The following CTDSP2 variants were observed in gnomAD, a reference collection of about 807,000 sequenced individuals.
CTDSP2 encodes the protein CTD small phosphatase 2, also known as carboxy-terminal domain RNA polymerase II polypeptide A small phosphatase 2.
Under a neutral mutation model 31.6 loss-of-function variants are expected in CTDSP2, and 9 were observed. The observed-to-expected ratio is 0.28, with a 90% CI of 0.17 to 0.50. The LOEUF is 0.50. Ranked by LOEUF, CTDSP2 falls within the 20% of genes least tolerant of loss-of-function variation. The probability of loss-of-function intolerance (pLI) is 0.98; values close to 1 mark genes in which losing one functional copy is unlikely to be tolerated. For missense variants in CTDSP2, 267 were observed against 348.5 expected, an observed-to-expected ratio of 0.77 and a Z score of 1.86; for synonymous variants, 134 against 134.5, an observed-to-expected ratio of 1.00 and a Z score of 0.03.
At chr12:57,827,176 T>A (rs1956188329) in intron 3 of CTDSP2, 79 bp from the exon 4 acceptor site, 1 of 1,062,130 alleles carries the variant, frequency 9.4e-7, no homozygotes, top group South Asian at 1.3e-5. Flanking sequence ...TGGGAAGAGC[T>A]GGGTTGTTTG....
At chr12:57,823,831 T>C (rs1595185399) in intron 7 of CTDSP2, 73 bp downstream of exon 7, 3 of 1,607,988 alleles carry the variant, frequency 1.9e-6, no homozygotes, top group Non-Finnish European at 1.7e-6. Context: ...GGTGTACTTC[T>C]CTGGTGGAGC....
chr12:57,831,630 G>C (rs1209449116), intron 1 of CTDSP2, among the ~76,000 whole-genome samples: 2 of 152,166 alleles, frequency 1.3e-5, no homozygotes, highest in Admixed American at 6.5e-5. Flanking sequence ...GAGTTTCCTA[G>C]AGCCTGAGCA....
At chr12:57,845,990 C>G (rs1323955479) in intron 1 of CTDSP2, among the ~76,000 whole-genome samples, 1 of 152,186 alleles carries the variant, frequency 6.6e-6, no homozygotes, top group Non-Finnish European at 1.5e-5. Context: ...TTCCTAACCC[C>G]TCCCCGCGAT....
chr12:57,840,020 C>CT (rs1467214617), intron 1 of CTDSP2, among the ~76,000 whole-genome samples: 33 of 152,252 alleles, frequency 2.2e-4, no homozygotes, highest in Middle Eastern at 3.4e-3. Context: ...TAGGACTCCC[C>CT]TTGAAGAGCC....
At position 57,821,492 on chromosome 12, in the gene CTDSP2, C is replaced by T. The variant is rs1956144556; in HGVS notation, c.*2110G>A. On this transcript the variant is annotated 3_prime_UTR_variant, in exon 8 of 8. Coordinates refer to ENST00000398073, the MANE Select transcript of CTDSP2 (RefSeq NM_005730.4). ...TTGCAACTCAGTCAGCTTAGAGCCT[C>T]TTATTGCTTATTTAGTCAGAAAAGC... 1 of 152,640 alleles carries T rather than the reference C, an allele frequency of 6.6e-6. No homozygotes were observed. Among genetic ancestry groups the T allele is most frequent in the Admixed American group, 6.5e-5 (1 of 15,288 alleles). 9.5% of individuals were successfully genotyped at this position (152,640 alleles called of 1,614,324 possible).
At chr12:57,841,311 A>ACAT (rs1409022036) in intron 1 of CTDSP2, among the ~76,000 whole-genome samples, 1 of 152,176 alleles carries the variant, frequency 6.6e-6, no homozygotes, top group African/African-American at 2.4e-5. Context: ...TAGCTTAAGA[A>ACAT]CATCTATTTC....
intron 1 of CTDSP2, among the ~76,000 whole-genome samples, chr12:57,843,993 A>G (rs1432800091): frequency 1.3e-5 from 2 of 151,968 alleles, no homozygotes; most frequent in Non-Finnish European, 2.9e-5. Flanking sequence ...AGGAGTCGAG[A>G]CCAGCCTGGG....
Position 57,826,987 on chromosome 12 carries a change from T to C in CTDSP2, c.354+9A>G, listed in dbSNP as rs778650577. On this transcript the variant is annotated intron_variant, in intron 4 of 7. Coordinates refer to ENST00000398073, the MANE Select transcript of CTDSP2 (RefSeq NM_005730.4). The stretch of plus-strand genomic sequence containing the variant: ...ATAAAGGTAGGAAGGGTTCCAGACA[T>C]TGAGTTACCTTAAAGGAGCTATGCA... 2.9e-5 allele frequency: 47 copies of C among 1,600,396 alleles called. No individual in the cohort carries two copies. Among genetic ancestry groups the C allele is most frequent in the East Asian group, 4.5e-5 (2 of 44,832 alleles).
intron 1 of CTDSP2, among the ~76,000 whole-genome samples, chr12:57,844,797 G>A (rs1956303905): frequency 6.6e-6 from 1 of 152,060 alleles, no homozygotes; most frequent in Non-Finnish European, 1.5e-5. Flanking sequence ...GGAGGCCGGA[G>A]CCTTCTCGGG....
At chr12:57,832,567 G>A (rs1007224105) in intron 1 of CTDSP2, among the ~76,000 whole-genome samples, 4 of 151,976 alleles carry the variant, frequency 2.6e-5, no homozygotes, top group Non-Finnish European at 5.9e-5. Context: ...CGAGGTGGGC[G>A]GATCGCCTGA....
chr12:57,831,147 T>C (rs576784294), intron 1 of CTDSP2, among the ~76,000 whole-genome samples: 177 of 148,004 alleles, frequency 1.2e-3, no homozygotes, highest in African/African-American at 4.2e-3. Flanking sequence ...CAGGATCAAC[T>C]AGAAATGGAC....
intron 1 of CTDSP2, among the ~76,000 whole-genome samples, chr12:57,840,499 C>T (rs977957176): frequency 6.6e-6 from 1 of 152,156 alleles, no homozygotes; most frequent in African/African-American, 2.4e-5. Context: ...CCTGCAGGCC[C>T]CTGTTCCTGT....
At chr12:57,827,458 G>C (rs1033784523) in intron 3 of CTDSP2, 94 bp downstream of exon 3, 14 of 1,373,234 alleles carry the variant, frequency 1.0e-5, no homozygotes, top group Middle Eastern at 3.6e-4. Flanking sequence ...TGGCTGGCTA[G>C]GCACCAAGGA....
intron 1 of CTDSP2, among the ~76,000 whole-genome samples, chr12:57,830,915 A>G (rs570186905): frequency 2.0e-5 from 3 of 151,476 alleles, no homozygotes; most frequent in Admixed American, 6.6e-5. Flanking sequence ...CGCCCAGCTA[A>G]TTTTGTACTT....
chr12:57,845,047 A>C (rs1451446567), intron 1 of CTDSP2, among the ~76,000 whole-genome samples: 1 of 152,086 alleles, frequency 6.6e-6, no homozygotes, highest in East Asian at 1.9e-4. Context: ...CTGCTGACTA[A>C]TGTTGCCAAA....
intron 1 of CTDSP2, among the ~76,000 whole-genome samples, chr12:57,840,994 C>G (rs991930230): frequency 3.9e-5 from 6 of 152,210 alleles, no homozygotes; most frequent in African/African-American, 1.4e-4. Flanking sequence ...AAACTCCATT[C>G]TATTTGGTCT....
chr12:57,823,533 C>A lies in CTDSP2; in HGVS notation c.*69G>T. The A allele has an allele frequency of 6.3e-7, 1 of 1,575,048 alleles. No individual in the cohort carries two copies. Among genetic ancestry groups the A allele is most frequent in the Non-Finnish European group, 8.6e-7 (1 of 1,158,664 alleles). ...AGGCACTCCAGCTTCTACTCTGTCA[C>A]GCTGATCGTAAAGGCACAGTGTGGG... On this transcript the variant is annotated 3_prime_UTR_variant, in exon 8 of 8. Transcript: ENST00000398073.
In CTDSP2 at chr12:57,823,480, C is replaced by T; in HGVS notation, c.*122G>A. On this transcript the variant is annotated 3_prime_UTR_variant, in exon 8 of 8. Coordinates refer to ENST00000398073, the MANE Select transcript of CTDSP2 (RefSeq NM_005730.4). ...GCTGTCCTAAAGCTCTTTCCAGTTA[C>T]TTCCCGCTGTTTCCGGGCCGTGTGG... The T allele has an allele frequency of 2.5e-6, 3 of 1,181,368 alleles. No individual in the cohort carries two copies. Among genetic ancestry groups the T allele is most frequent in the Non-Finnish European group, 3.6e-6 (3 of 841,132 alleles). 73.2% of individuals were successfully genotyped at this position (1,181,368 alleles called of 1,614,324 possible).
intron 5 of CTDSP2, 96 bp from the exon 6 acceptor site, chr12:57,824,415 C>A: frequency 1.1e-6 from 1 of 923,634 alleles, no homozygotes; most frequent in Non-Finnish European, 1.7e-6. Context: ...AAGGAGCTCT[C>A]AACCCCTGCA....
Sources: allele counts gnomAD v4.1 joint callset (sites outside exome capture counted in the v4.1 genomes callset), GRCh38; gene constraint gnomAD v4.1.1; transcripts MANE v1.5; gene names NCBI Gene and HGNC (gene_info 2026-07-23, HGNC 2026-07-21).